The following EDARADD variants were observed in gnomAD, a reference collection of about 807,000 sequenced individuals.
EDARADD encodes the protein EDAR associated via death domain.
EDARADD carries 20 observed loss-of-function variants against 25.6 expected under a neutral mutation model. That is an observed-to-expected ratio of 0.78 (90% confidence interval 0.55 to 1.14). The LOEUF is 1.14. EDARADD is among the 50% of genes most tolerant of loss of function. The pLI, the probability that EDARADD is intolerant of heterozygous loss-of-function variation, is 0.00. For missense variants in EDARADD, 225 were observed against 270.1 expected (o/e 0.83, Z 1.17); for synonymous variants, 86 against 94.4 (o/e 0.91, Z 0.52).
rs72215388 is a variant in EDARADD at position 236,480,096 on chromosome 1, CATATATATATATATATATAT to C, written c.266-2150_266-2131del. On this transcript the variant is annotated intron_variant, in intron 5 of 5. Coordinates refer to ENST00000334232, the MANE Select transcript of EDARADD (RefSeq NM_145861.4). ...ATCTCAGTGTGCCTTTTAAGTATGC[CATATATATATATATATATAT>C]ATATATATATATATATATATCACAT... Among the ~76,000 whole-genome samples the C allele has an allele frequency of 5.7e-4, 44 of 77,862 alleles. 2 individuals carry two copies. The highest frequency in any genetic ancestry group is 2.4e-3 in the Admixed American group (17 of 7,184). The allele number at this position is 77,862 out of a possible 152,430, so 51.1% of individuals were successfully genotyped here. A position where few individuals can be genotyped will look rare whatever the true frequency, so the allele number is the denominator to read the frequency against.
At chr1:236,452,430 C>T (rs1444042252) in intron 4 of EDARADD, among the ~76,000 whole-genome samples, 1 of 152,064 alleles carries the variant, frequency 6.6e-6, no homozygotes, top group Non-Finnish European at 1.5e-5. Context: ...GTGGTTATCC[C>T]CATGCTGTTC....
chr1:236,398,144 A>G lies in EDARADD; in HGVS notation c.61+3639A>G, dbSNP rs1021968325. ...TTATTTTTATTATTATTATTTTTCA[A>G]GATGGAGTCTCACTCTGTCACCCAG... On this transcript the variant is annotated intron_variant, in intron 1 of 5. Coordinates refer to ENST00000334232, the MANE Select transcript of EDARADD (RefSeq NM_145861.4). The surrounding 1 kb of genome is among the most constrained non-coding windows in gnomAD (Gnocchi z 4.1). 6.6e-6 allele frequency among the ~76,000 whole-genome samples: 1 copy of G among 152,032 alleles called. No homozygotes were observed. The highest frequency in any genetic ancestry group is 1.5e-5 in the Non-Finnish European group (1 of 68,002).
intron 3 of EDARADD, among the ~76,000 whole-genome samples, chr1:236,381,801 C>CTATTTT (rs1667303341): frequency 2.4e-5 from 1 of 42,072 alleles, no homozygotes; most frequent in African/African-American, 1.1e-4. Context: ...CCTGTGGTTG[C>CTATTTT]TTTTTTTTTT....
intron 3 of EDARADD, among the ~76,000 whole-genome samples, chr1:236,360,543 T>TG (rs1489475961): frequency 2.5e-4 from 20 of 80,686 alleles, no homozygotes; most frequent in African/African-American, 8.1e-4. Flanking sequence ...CACGGTTTTT[T>TG]TTTTTTTTTT....
chr1:236,444,172 T>G (rs1658472890), intron 4 of EDARADD, among the ~76,000 whole-genome samples: 1 of 152,212 alleles, frequency 6.6e-6, no homozygotes, highest in Non-Finnish European at 1.5e-5. Context: ...AGTGTAAATA[T>G]AACTTTTTCG....
intron 3 of EDARADD, 116 bp downstream of exon 3, chr1:236,414,415 A>C: frequency 2.5e-6 from 2 of 794,226 alleles, no homozygotes; most frequent in Non-Finnish European, 4.2e-6. Flanking sequence ...ATGCCCATAG[A>C]TTAGCTCGTG....
At chr1:236,357,121 A>T (rs956483482) in intron 3 of EDARADD, among the ~76,000 whole-genome samples, 1 of 151,726 alleles carries the variant, frequency 6.6e-6, no homozygotes, top group Non-Finnish European at 1.5e-5. Flanking sequence ...TTGATAGAGC[A>T]ATAAAAATGA....
chr1:236,357,088 T>TAAAAA (rs138887211), intron 3 of EDARADD, among the ~76,000 whole-genome samples: 2 of 145,288 alleles, frequency 1.4e-5, no homozygotes, highest in Non-Finnish European at 3.0e-5. Context: ...CTGTCTCAAA[T>TAAAAA]AAAAAATAAA....
intron 5 of EDARADD, among the ~76,000 whole-genome samples, chr1:236,478,383 G>GTGTT (rs1558138560): frequency 6.7e-6 from 1 of 148,856 alleles, no homozygotes; most frequent in African/African-American, 2.5e-5. Flanking sequence ...GTGTGTGTGT[G>GTGTT]TGTATGGATT....
At chr1:236,438,647 G>A (rs1032560344) in intron 4 of EDARADD, among the ~76,000 whole-genome samples, 1 of 152,106 alleles carries the variant, frequency 6.6e-6, no homozygotes, top group African/African-American at 2.4e-5. Context: ...CAAATCATCC[G>A]TAGTTGATTC....
intron 4 of EDARADD, among the ~76,000 whole-genome samples, chr1:236,464,666 C>T (rs547462431): frequency 3.9e-5 from 6 of 152,086 alleles, no homozygotes; most frequent in Non-Finnish European, 8.8e-5. Context: ...CTCCTGACCT[C>T]GGGCGATTGG....
intron 3 of EDARADD, among the ~76,000 whole-genome samples, chr1:236,420,366 C>T (rs895677722): frequency 6.6e-6 from 1 of 152,124 alleles, no homozygotes; most frequent in Admixed American, 6.6e-5. Flanking sequence ...TATATTTCTG[C>T]CAACCTTAAA....
Position 236,395,731 on chromosome 1 carries a change from A to G in EDARADD, c.61+1226A>G, listed in dbSNP as rs918417244. 1 of 1,519,428 alleles carries G rather than the reference A, an allele frequency of 6.6e-7. No homozygotes were observed. The highest frequency in any genetic ancestry group is 2.0e-5 in the Admixed American group (1 of 49,974). The allele number at this position is 1,519,428 out of a possible 1,614,324, so 94.1% of individuals were successfully genotyped here. A position where few individuals can be genotyped will look rare whatever the true frequency, so the allele number is the denominator to read the frequency against. ...GGGCGGGAGCTCGGGAGGCGCTCGC[A>G]GCAGCCGCAGGGCTATCGAGGCCGG... On this transcript the variant is annotated intron_variant, in intron 1 of 5. Transcript: ENST00000334232. The surrounding 1 kb of genome is among the most constrained non-coding windows in gnomAD (Gnocchi z 6.9).
chr1:236,417,320 A>G (rs1657666336), intron 3 of EDARADD, among the ~76,000 whole-genome samples: 1 of 152,222 alleles, frequency 6.6e-6, no homozygotes, highest in East Asian at 1.9e-4. Flanking sequence ...TAGCGTTAAG[A>G]GTTTCACAAA....
At chr1:236,451,818 A>G (rs931167253) in intron 4 of EDARADD, among the ~76,000 whole-genome samples, 1 of 152,010 alleles carries the variant, frequency 6.6e-6, no homozygotes, top group Non-Finnish European at 1.5e-5. Context: ...TCCTCCCCGG[A>G]GATGAGAATT....
At chr1:236,429,540 G>A (rs1195687665) in intron 4 of EDARADD, among the ~76,000 whole-genome samples, 5 of 108,884 alleles carry the variant, frequency 4.6e-5, no homozygotes, top group African/African-American at 1.4e-4. Context: ...ACCATGACCC[G>A]CTAATTTTTT....
At chr1:236,353,488 T>C (rs1220629085) in intron 3 of EDARADD, among the ~76,000 whole-genome samples, 3 of 152,042 alleles carry the variant, frequency 2.0e-5, no homozygotes, top group African/African-American at 7.2e-5. Flanking sequence ...AAGACCAGCC[T>C]GGCCAACATG....
intron 4 of EDARADD, among the ~76,000 whole-genome samples, chr1:236,433,372 A>G (rs1390863801): frequency 2.6e-5 from 4 of 151,894 alleles, no homozygotes; most frequent in Non-Finnish European, 5.9e-5. Flanking sequence ...CAGCCTGGCC[A>G]ACATGGGGAA....
At chr1:236,373,228 CAG>C (rs548319015) in intron 3 of EDARADD, among the ~76,000 whole-genome samples, 391 of 151,598 alleles carry the variant, frequency 2.6e-3, no homozygotes, top group African/African-American at 9.1e-3. Flanking sequence ...TTTTTTGAGA[CAG>C]AGTCTCCCTC....
Sources: gnomAD v4.1 joint callset for allele counts (sites outside exome capture counted in the v4.1 genomes callset) on GRCh38, gnomAD v4.1.1 for gene constraint, Gnocchi (gnomAD v3.1) non-coding constraint, MANE v1.5 for transcripts, NCBI Gene and HGNC (gene_info 2026-07-23, HGNC 2026-07-21) for gene names.